SLC3A1: variants seen among roughly 807,000 people sequenced by gnomAD.
SLC3A1 encodes the protein solute carrier family 3 member 1, also known as amino acid transporter heavy chain SLC3A1.
SLC3A1 carries 78 observed loss-of-function variants against 60.3 expected under a neutral mutation model. The ratio of observed to expected loss-of-function variants is 1.29; its 90% CI spans 1.08 to 1.56. The LOEUF (loss-of-function observed/expected upper bound fraction) is 1.56. SLC3A1 is among the 40% of genes most tolerant of loss of function. The pLI is 0.00. For synonymous variants in SLC3A1, 392 were observed against 307.9 expected, an observed-to-expected ratio of 1.27 and a Z score of -2.86; for missense variants, 1,172 against 858.9, an observed-to-expected ratio of 1.36 and a Z score of -4.56.
intron 8 of SLC3A1, 178 bp downstream of exon 8, chr2:44,312,931 T>C: frequency 1.7e-6 from 1 of 597,554 alleles, no homozygotes; most frequent in Non-Finnish European, 2.9e-6. Flanking sequence ...GTCTGAGAGC[T>C]TATTTTAAAA....
At position 44,281,462 on chromosome 2, in the gene SLC3A1, G is replaced by A. The variant is rs138395881; in HGVS notation, c.686G>A (p.Arg229Gln). The A allele has an allele frequency of 9.5e-5, 153 of 1,613,610 alleles. No individual in the cohort carries two copies. The highest frequency in any genetic ancestry group is 7.1e-4 in the East Asian group (32 of 44,870). The change falls in exon 3 of 10, where the codon CGG becomes CAG. Residue 229 changes from arginine to glutamine, a missense_variant. Coordinates refer to ENST00000260649, the MANE Select transcript of SLC3A1 (RefSeq NM_000341.4). ...ATTTGGTTTCAATTGAGTCGGACAC[G>A]GACAGGAAAATATACTGATTATTAT... Reference protein sequence around the residue: ...KHIWFQLSRTRTGKYTDYYIW... With the variant: ...KHIWFQLSRTQTGKYTDYYIW...
At chr2:44,302,663 T>C (rs767301301) in intron 6 of SLC3A1, among the ~76,000 whole-genome samples, 2 of 152,246 alleles carry the variant, frequency 1.3e-5, no homozygotes, top group Non-Finnish European at 2.9e-5. Flanking sequence ...CCCAGGGTTT[T>C]GCTTTCAGCA....
chr2:44,285,986 C>T, intron 3 of SLC3A1, 46 bp from the exon 4 acceptor site: 1 of 1,610,752 alleles, frequency 6.2e-7, no homozygotes, highest in Non-Finnish European at 8.5e-7. Flanking sequence ...TATTTGTGGG[C>T]AATACCATTA....
chr2:44,303,010 C>A (rs1011160023), intron 6 of SLC3A1, among the ~76,000 whole-genome samples: 1 of 151,834 alleles, frequency 6.6e-6, no homozygotes, highest in Non-Finnish European at 1.5e-5. Flanking sequence ...ACCAGCCTGG[C>A]CAACATGGTG....
intron 4 of SLC3A1, among the ~76,000 whole-genome samples, chr2:44,292,355 A>G (rs866111252): frequency 6.6e-5 from 10 of 152,100 alleles, no homozygotes; most frequent in Non-Finnish European, 1.2e-4. Context: ...AGCCATCTCT[A>G]TGCTTGATAA....
In SLC3A1 at chr2:44,299,876, T is replaced by G. The variant is rs767925023; in HGVS notation, c.892-95T>G. On this transcript the variant is annotated intron_variant, in intron 4 of 9. Coordinates refer to ENST00000260649, the MANE Select transcript of SLC3A1 (RefSeq NM_000341.4). ...CTTGTTCTGTATGTAGATATCTGTT[T>G]TATGATGCCAAGTTGTTAACAGTCA... 1,312 of 1,284,272 alleles carry G rather than the reference T, an allele frequency of 1.0e-3. 29 individuals carry two copies. The highest frequency in any genetic ancestry group is 1.6e-4 in the Non-Finnish European group (144 of 881,942). The allele number at this position is 1,284,272 out of a possible 1,614,324, so 79.6% of individuals were successfully genotyped here. A position where few individuals can be genotyped will look rare whatever the true frequency, so the allele number is the denominator to read the frequency against.
chr2:44,281,347 C>T, intron 2 of SLC3A1, 40 bp from the exon 3 acceptor site: 1 of 1,560,402 alleles, frequency 6.4e-7, no homozygotes, highest in South Asian at 1.1e-5. Context: ...TATTCTAATA[C>T]AATCTTTCCC....
At chr2:44,316,881 A>G (rs1672480795) in intron 9 of SLC3A1, among the ~76,000 whole-genome samples, 1 of 152,370 alleles carries the variant, frequency 6.6e-6, no homozygotes, top group Non-Finnish European at 1.5e-5. Context: ...CTATCCAACA[A>G]AACATAACAA....
At chr2:44,301,328 T>C in intron 6 of SLC3A1, 3 of 690,040 alleles carry the variant, frequency 4.3e-6, no homozygotes, top group Admixed American at 4.3e-5. Context: ...GTTTCCTCTT[T>C]TGTAAAATGA....
At chr2:44,305,904 C>G (rs550481902) in intron 7 of SLC3A1, among the ~76,000 whole-genome samples, 1 of 152,230 alleles carries the variant, frequency 6.6e-6, no homozygotes, top group East Asian at 1.9e-4. Context: ...GGTGTCAGGT[C>G]TACCTATTGT....
At chr2:44,278,353 C>A (rs567950276) in intron 1 of SLC3A1, among the ~76,000 whole-genome samples, 4 of 152,010 alleles carry the variant, frequency 2.6e-5, no homozygotes, top group African/African-American at 9.7e-5. Context: ...GTGGCTGAGG[C>A]AGGAGAATGG....
chr2:44,313,025 T>C (rs1672338498), intron 8 of SLC3A1, among the ~76,000 whole-genome samples: 1 of 152,120 alleles, frequency 6.6e-6, no homozygotes, highest in Non-Finnish European at 1.5e-5. Context: ...TTAAAATTTA[T>C]TTATTTATTT....
chr2:44,294,336 C>G (rs1023984025), intron 4 of SLC3A1, among the ~76,000 whole-genome samples: 10 of 151,988 alleles, frequency 6.6e-5, no homozygotes, highest in African/African-American at 2.4e-4. Context: ...GAAACTCCAT[C>G]TCTACTAAAA....
Position 44,321,237 on chromosome 2 carries a change from T to A in SLC3A1, c.*598T>A. Reference sequence around the variant, plus strand: ...AGCAAAATTTAGATGGAGAAGCACATTTTAAAAAATTAATAACTTAAAAGT... The same window carrying A: ...AGCAAAATTTAGATGGAGAAGCACAATTTAAAAAATTAATAACTTAAAAGT... On this transcript the variant is annotated 3_prime_UTR_variant, in exon 10 of 10. Coordinates refer to ENST00000260649, the MANE Select transcript of SLC3A1 (RefSeq NM_000341.4). 2 of 903,748 alleles carry A rather than the reference T, an allele frequency of 2.2e-6. No homozygotes were observed. The highest frequency in any genetic ancestry group is 3.3e-6 in the Non-Finnish European group (2 of 597,698). The allele number at this position is 903,748 out of a possible 1,614,324, so 56.0% of individuals were successfully genotyped here.
At chr2:44,281,600 C>A in intron 3 of SLC3A1, 59 bp downstream of exon 3, 3 of 1,515,654 alleles carry the variant, frequency 2.0e-6, no homozygotes, top group Non-Finnish European at 2.8e-6. Context: ...AGTGATTGAA[C>A]TGATTTAGTA....
intron 7 of SLC3A1, among the ~76,000 whole-genome samples, chr2:44,306,301 A>AAAATGC (rs1441455512): frequency 5.3e-5 from 8 of 152,120 alleles, no homozygotes. Flanking sequence ...GATAAAGGAG[A>AAAATGC]AAATGCAGCC....
chr2:44,282,801 A>G (rs1671530106), intron 3 of SLC3A1, among the ~76,000 whole-genome samples: 1 of 151,432 alleles, frequency 6.6e-6, no homozygotes, highest in African/African-American at 2.4e-5. Flanking sequence ...GGGACCACAA[A>G]TGTGTGCCAC....
At chr2:44,299,053 T>C (rs953669399) in intron 4 of SLC3A1, among the ~76,000 whole-genome samples, 2 of 94,672 alleles carry the variant, frequency 2.1e-5, no homozygotes, top group Non-Finnish European at 4.8e-5. Flanking sequence ...TTTTTTTTTT[T>C]AAAAGACAGA....
At chr2:44,292,749 C>T (rs1671767366) in intron 4 of SLC3A1, among the ~76,000 whole-genome samples, 1 of 151,866 alleles carries the variant, frequency 6.6e-6, no homozygotes, top group Non-Finnish European at 1.5e-5. Flanking sequence ...GGGAGTTGTC[C>T]AGTATCACTG....
Sources: allele counts gnomAD v4.1 joint callset (sites outside exome capture counted in the v4.1 genomes callset), GRCh38; gene constraint gnomAD v4.1.1; transcripts MANE v1.5; gene names NCBI Gene and HGNC (gene_info 2026-07-23, HGNC 2026-07-21).